Variants in GLMN observed in about 807,000 individuals in gnomAD.
GLMN encodes the protein glomulin.
Under a neutral mutation model 87.8 loss-of-function variants are expected in GLMN, and 75 were observed. That is an observed-to-expected ratio of 0.85 (90% CI 0.71 to 1.04). The LOEUF (loss-of-function observed/expected upper bound fraction) is 1.04. Ranked by LOEUF, GLMN falls within the 50% of genes least tolerant of loss-of-function variation. The pLI is 0.00. For missense variants in GLMN, 588 were observed against 658.8 expected (o/e 0.89, Z 1.18); for synonymous variants, 206 against 221.6 (o/e 0.93, Z 0.63).
intron 16 of GLMN, among the ~76,000 whole-genome samples, chr1:92,248,969 G>A (rs1653056544): frequency 6.6e-6 from 1 of 152,010 alleles, no homozygotes; most frequent in Non-Finnish European, 1.5e-5. Flanking sequence ...AAAGATGTAT[G>A]TTATGATTCT....
At chr1:92,247,182 T>G in intron 17 of GLMN, 38 bp from the exon 18 acceptor site, 1 of 958,404 alleles carries the variant, frequency 1.0e-6, no homozygotes, top group Admixed American at 1.7e-5. Context: ...CACTTAACTC[T>G]CAGATTTCAA....
At chr1:92,357,019 T>C in the GLMN span, among the ~76,000 whole-genome samples, 1 of 151,560 alleles carries the variant, frequency 6.6e-6, no homozygotes, top group Non-Finnish European at 1.5e-5. Context: ...TGAGCTGAGA[T>C]TGTGTCACTG....
intron 3 of GLMN, among the ~76,000 whole-genome samples, chr1:92,295,885 A>AT: frequency 6.6e-6 from 1 of 152,354 alleles, no homozygotes; most frequent in East Asian, 1.9e-4. Context: ...GTTGTTATTA[A>AT]TTTTTTTATT....
At chr1:92,339,691 A>G in the GLMN span, among the ~76,000 whole-genome samples, 1 of 151,952 alleles carries the variant, frequency 6.6e-6, no homozygotes, top group African/African-American at 2.4e-5. Context: ...AGTAGTGACT[A>G]ATTTGTGTTT....
chr1:92,365,896 C>T, the GLMN span, among the ~76,000 whole-genome samples: 1 of 152,116 alleles, frequency 6.6e-6, no homozygotes, highest in Non-Finnish European at 1.5e-5. Context: ...CTTTTACTGA[C>T]TTACATGACC....
the GLMN span, among the ~76,000 whole-genome samples, chr1:92,330,665 T>G: frequency 1.3e-5 from 2 of 151,982 alleles, no homozygotes; most frequent in African/African-American, 2.4e-5. Context: ...CAGGCCAGGT[T>G]GGTCTCGAAC....
the GLMN span, among the ~76,000 whole-genome samples, chr1:92,315,527 TA>T: frequency 2.0e-5 from 3 of 152,170 alleles, no homozygotes; most frequent in African/African-American, 7.2e-5. Flanking sequence ...CAAAGCGCAG[TA>T]AAGGAAAGCA....
At chr1:92,277,415 G>A (rs1440729955) in intron 7 of GLMN, among the ~76,000 whole-genome samples, 1 of 152,106 alleles carries the variant, frequency 6.6e-6, no homozygotes, top group Admixed American at 6.5e-5. Context: ...AAAATCCTTG[G>A]AATCTCCAAA....
chr1:92,360,649 C>G, the GLMN span, among the ~76,000 whole-genome samples: 1 of 152,124 alleles, frequency 6.6e-6, no homozygotes, highest in Admixed American at 6.6e-5. Context: ...TCTTTCCTAA[C>G]TCCTTTCACC....
the GLMN span, among the ~76,000 whole-genome samples, chr1:92,329,607 G>C: frequency 1.3e-5 from 2 of 152,190 alleles, no homozygotes; most frequent in Non-Finnish European, 2.9e-5. Flanking sequence ...AAAAGTTCAT[G>C]ATGGGAGTCT....
intron 13 of GLMN, among the ~76,000 whole-genome samples, chr1:92,266,088 T>C (rs1655602500): frequency 6.6e-6 from 1 of 152,208 alleles, no homozygotes; most frequent in African/African-American, 2.4e-5. Context: ...CTGTGAGTAA[T>C]GGAGATTAGT....
the GLMN span, among the ~76,000 whole-genome samples, chr1:92,308,665 A>G: frequency 6.6e-6 from 1 of 152,186 alleles, no homozygotes; most frequent in African/African-American, 2.4e-5. Context: ...AGCTAATTTA[A>G]AACAAATCTT....
chr1:92,343,840 T>C, the GLMN span, among the ~76,000 whole-genome samples: 1 of 152,282 alleles, frequency 6.6e-6, no homozygotes, highest in African/African-American at 2.4e-5. Context: ...GGGCAAGTTG[T>C]ACTTTTTAAT....
chr1:92,292,471 C>T (rs573752601), intron 3 of GLMN, among the ~76,000 whole-genome samples: 4 of 151,964 alleles, frequency 2.6e-5, no homozygotes, highest in East Asian at 2.0e-4. Context: ...AGTGCAGTGG[C>T]GCTGTCCCAG....
chr1:92,300,205 A>G (rs1256815116), upstream of GLMN: 26 of 1,609,904 alleles, frequency 1.6e-5, no homozygotes, highest in Non-Finnish European at 2.1e-5. Context: ...TACTAAACAG[A>G]CAAGTACTTT....
intron 16 of GLMN, among the ~76,000 whole-genome samples, chr1:92,258,598 T>C (rs894322162): frequency 6.6e-6 from 1 of 152,196 alleles, no homozygotes; most frequent in African/African-American, 2.4e-5. Flanking sequence ...TTCATGTCCT[T>C]TGCAGGGACA....
chr1:92,289,435 T>C (rs1337241477), intron 5 of GLMN, among the ~76,000 whole-genome samples: 1 of 152,194 alleles, frequency 6.6e-6, no homozygotes, highest in Non-Finnish European at 1.5e-5. Context: ...TTTTGGGTTG[T>C]TATAAGCACA....
the GLMN span, among the ~76,000 whole-genome samples, chr1:92,333,081 CATTTGTA>C: frequency 6.6e-6 from 1 of 152,108 alleles, no homozygotes; most frequent in South Asian, 2.1e-4. Context: ...TAATCCCCTA[CATTTGTA>C]CAGCACTTAG....
chr1:92,256,859 C>G (rs935823960), intron 16 of GLMN, among the ~76,000 whole-genome samples: 1 of 152,178 alleles, frequency 6.6e-6, no homozygotes, highest in Admixed American at 6.5e-5. Context: ...CAGGGATGCC[C>G]TCTCTCACCA....
Sources: allele counts gnomAD v4.1 joint callset (sites outside exome capture counted in the v4.1 genomes callset), GRCh38; gene constraint gnomAD v4.1.1; transcripts MANE v1.5; gene names NCBI Gene and HGNC (gene_info 2026-07-23, HGNC 2026-07-21).